FAT4: variants seen among roughly 807,000 people sequenced by gnomAD.
The protein encoded by FAT4 is FAT atypical cadherin 4, also known as protocadherin Fat 4.
A neutral mutation model predicts 303.9 loss-of-function variants in FAT4; 84 were observed. The ratio of observed to expected loss-of-function variants is 0.28; its 90% CI spans 0.23 to 0.33. FAT4 has a LOEUF of 0.33. Ranked by LOEUF, FAT4 falls within the 10% of genes least tolerant of loss-of-function variation. FAT4 has a pLI of 1.00. For synonymous variants in FAT4, 2,307 were observed against 2,298.8 expected, an observed-to-expected ratio of 1.00 and a Z score of -0.10; for missense variants, 6,005 against 6,146.8, an observed-to-expected ratio of 0.98 and a Z score of 0.77.
rs1578656960 is a variant in FAT4 at position 125,449,671 on chromosome 4, T to G, written c.8661T>G (p.Thr2887=). The part of the protein sequence containing the change: ...TSYYLDCPEL[T]EIGSKVTQVF... ...ATTATTTAGATTGCCCTGAACTTACTGAGATTGGCTCCAAAGTAACTCAGG... is the reference window on the plus strand; with the variant it reads ...ATTATTTAGATTGCCCTGAACTTACGGAGATTGGCTCCAAAGTAACTCAGG... Residue 2887 remains threonine (T), a synonymous_variant, in exon 10 of 18, where the codon ACT becomes ACG. Coordinates refer to ENST00000394329, the MANE Select transcript of FAT4 (RefSeq NM_001291303.3). 1.2e-6 allele frequency: 2 copies of G among 1,614,004 alleles called. No homozygotes were observed. Among genetic ancestry groups the G allele is most frequent in the Non-Finnish European group, 1.7e-6 (2 of 1,179,934 alleles).
intron 17 of FAT4, among the ~76,000 whole-genome samples, chr4:125,489,656 G>A (rs1219638399): frequency 6.6e-6 from 1 of 152,020 alleles, no homozygotes; most frequent in Non-Finnish European, 1.5e-5. Context: ...TTCAGAATGA[G>A]TGGGATTCAA....
At chr4:125,377,714 G>A (rs1044409146) in intron 2 of FAT4, among the ~76,000 whole-genome samples, 3 of 152,022 alleles carry the variant, frequency 2.0e-5, no homozygotes, top group Non-Finnish European at 4.4e-5. Context: ...AAAGTTAAAA[G>A]CTGTTCTAAT....
intron 7 of FAT4, among the ~76,000 whole-genome samples, chr4:125,422,129 G>C (rs1358228320): frequency 6.6e-6 from 1 of 151,854 alleles, no homozygotes; most frequent in Non-Finnish European, 1.5e-5. Flanking sequence ...TTCAATATTG[G>C]TATTTTGAAA....
chr4:125,401,623 A>G (rs1578600467), intron 3 of FAT4, among the ~76,000 whole-genome samples: 1 of 152,034 alleles, frequency 6.6e-6, no homozygotes, highest in East Asian at 1.9e-4. Flanking sequence ...TAAAGGAATT[A>G]CAATTTTATA....
chr4:125,367,634 C>A (rs562509538), intron 2 of FAT4, among the ~76,000 whole-genome samples: 1 of 151,948 alleles, frequency 6.6e-6, no homozygotes, highest in Non-Finnish European at 1.5e-5. Context: ...TTTTTTCAAC[C>A]GTATATCATA....
chr4:125,347,831 T>A (rs1407634174), intron 2 of FAT4, among the ~76,000 whole-genome samples: 2 of 151,868 alleles, frequency 1.3e-5, no homozygotes, highest in Non-Finnish European at 2.9e-5. Flanking sequence ...GTCTGAAAAT[T>A]AATTGACTTT....
At chr4:125,323,401 G>A (rs903610163) in intron 2 of FAT4, among the ~76,000 whole-genome samples, 4 of 151,958 alleles carry the variant, frequency 2.6e-5, no homozygotes, top group African/African-American at 9.7e-5. Flanking sequence ...TATTAATAGG[G>A]GATGATTTGT....
chr4:125,329,826 G>A (rs773135791), intron 2 of FAT4, among the ~76,000 whole-genome samples: 17 of 152,052 alleles, frequency 1.1e-4, no homozygotes, highest in Non-Finnish European at 1.9e-4. Flanking sequence ...CCTTCTGATT[G>A]ATCAGGTCAA....
intron 7 of FAT4, among the ~76,000 whole-genome samples, chr4:125,429,894 A>G (rs953211): frequency 0.35 from 53,380 of 151,964 alleles, 9,531 homozygotes; most frequent in Middle Eastern, 0.48. Flanking sequence ...GTAATAGTAA[A>G]CATTATGCAG....
At position 125,327,568 on chromosome 4, in the gene FAT4, A is replaced by G. The variant is rs1032152061; in HGVS notation, c.5175+5982A>G. 2.6e-5 allele frequency among the ~76,000 whole-genome samples: 4 copies of G among 152,168 alleles called. No homozygotes were observed. The East Asian group carries it at 7.7e-4, about 29-fold the overall frequency. ...TTAAAGGGCTTTATAAATTTTTAAG[A>G]TGGGTACAAATGTGTATGACAAACA... On this transcript the variant is annotated intron_variant, in intron 2 of 17. Transcript: ENST00000394329.
At chr4:125,395,344 C>G (rs1734127300) in intron 2 of FAT4, among the ~76,000 whole-genome samples, 7 of 152,146 alleles carry the variant, frequency 4.6e-5, no homozygotes, top group Admixed American at 4.6e-4. Context: ...GAGTCTCACT[C>G]TGTCGCTGAG....
chr4:125,318,307 C>G lies in FAT4; in HGVS notation c.1896C>G (p.Phe632Leu), dbSNP rs1374806485. The G allele has an allele frequency of 1.2e-6, 2 of 1,614,104 alleles. No homozygotes were observed. The highest frequency in any genetic ancestry group is 8.5e-7 in the Non-Finnish European group (1 of 1,180,056). Residue 632 changes from phenylalanine (F) to leucine (L), a missense_variant, in exon 2 of 18, where the codon TTC becomes TTG. By Grantham distance (22) the Phe-to-Leu change is conservative (BLOSUM62 0). Transcript: ENST00000394329. Reference sequence around the variant, plus strand: ...AGGCAGAGACTGACCGGAGGTCCTTCCGTCTGGATCCTGTGTCTGGGAGGT... The same window carrying G: ...AGGCAGAGACTGACCGGAGGTCCTTGCGTCTGGATCCTGTGTCTGGGAGGT... ...LQEAETDRRS[F>L]RLDPVSGRLS...
chr4:125,346,572 T>G (rs1206515797), intron 2 of FAT4, among the ~76,000 whole-genome samples: 1 of 152,062 alleles, frequency 6.6e-6, no homozygotes, highest in Admixed American at 6.6e-5. Context: ...TGGCTATAAT[T>G]AAATCATGCA....
rs536070154 is a variant in FAT4 at position 125,390,456 on chromosome 4, A to G, written c.5176-8328A>G. On this transcript the variant is annotated intron_variant, in intron 2 of 17. Transcript: ENST00000394329. ...TGTACTGATATTGGTGTGGGTTTCA[A>G]TTTGGTTAGTTTGCTTTCAATTTCA... is the stretch of plus-strand genomic sequence containing the variant. Among the ~76,000 whole-genome samples the G allele has an allele frequency of 4.3e-4, 66 of 152,282 alleles. No homozygotes were observed. In the Middle Eastern group the frequency reaches 0.01, roughly 24 times the overall value.
At chr4:125,466,616 T>TA (rs1560625761) in intron 11 of FAT4, among the ~76,000 whole-genome samples, 1 of 149,604 alleles carries the variant, frequency 6.7e-6, no homozygotes, top group Non-Finnish European at 1.5e-5. Flanking sequence ...ACAGGATAGA[T>TA]ATAAGTATAT....
intron 2 of FAT4, among the ~76,000 whole-genome samples, chr4:125,331,477 T>G (rs1158260850): frequency 2.0e-5 from 3 of 152,246 alleles, no homozygotes; most frequent in Non-Finnish European, 4.4e-5. Flanking sequence ...AGTGGCTACA[T>G]GACTTGATTG....
At chr4:125,466,941 A>T (rs577233755) in intron 11 of FAT4, among the ~76,000 whole-genome samples, 98 of 150,314 alleles carry the variant, frequency 6.5e-4, no homozygotes, top group Non-Finnish European at 1.2e-3. Context: ...TGCCCGGCTA[A>T]TTTTTTTTTG....
intron 2 of FAT4, among the ~76,000 whole-genome samples, chr4:125,353,166 G>C (rs1352810741): frequency 6.6e-6 from 1 of 151,662 alleles, no homozygotes; most frequent in Non-Finnish European, 1.5e-5. Flanking sequence ...GAAATACTCA[G>C]TTCTATAGAA....
chr4:125,367,523 C>T (rs1300503300), intron 2 of FAT4, among the ~76,000 whole-genome samples: 1 of 151,928 alleles, frequency 6.6e-6, no homozygotes, highest in East Asian at 1.9e-4. Context: ...ATTAACGTGC[C>T]AAGAACTGTG....
Sources: allele counts gnomAD v4.1 joint callset (sites outside exome capture counted in the v4.1 genomes callset), GRCh38; gene constraint gnomAD v4.1.1; transcripts MANE v1.5; gene names NCBI Gene and HGNC (gene_info 2026-07-23, HGNC 2026-07-21).